Variants in CD34 observed in about 807,000 individuals in gnomAD.
CD34 encodes hematopoietic progenitor cell antigen CD34.
In CD34, 34 loss-of-function variants were observed where a neutral mutation model predicts 40.1. The observed-to-expected ratio is 0.85, with a 90% CI of 0.65 to 1.13. The LOEUF (loss-of-function observed/expected upper bound fraction) is 1.13. Ranked by LOEUF, CD34 falls within the 50% of genes most tolerant of loss-of-function variation. CD34 has a pLI of 0.00. For synonymous variants in CD34, 209 were observed against 190.0 expected, an observed-to-expected ratio of 1.10 and a Z score of -0.82; for missense variants, 426 against 466.9, an observed-to-expected ratio of 0.91 and a Z score of 0.81.
chr1:207,899,293 A>G, intron 2 of CD34, 67 bp from the exon 3 acceptor site: 1 of 1,534,606 alleles, frequency 6.5e-7, no homozygotes, highest in East Asian at 2.3e-5. Context: ...ATCTCAGGTC[A>G]TGATATGGGC....
At chr1:207,901,154 C>T (rs937427820) in intron 1 of CD34, among the ~76,000 whole-genome samples, 3 of 152,094 alleles carry the variant, frequency 2.0e-5, no homozygotes, top group Non-Finnish European at 4.4e-5. Context: ...ACAGATGTTA[C>T]TCACCATTCC....
intron 2 of CD34, 49 bp from the exon 3 acceptor site, chr1:207,899,275 T>A: frequency 6.3e-7 from 1 of 1,597,322 alleles, no homozygotes; most frequent in South Asian, 1.1e-5. Flanking sequence ...TGCTCATAGA[T>A]ACACAAAATC....
intron 1 of CD34, among the ~76,000 whole-genome samples, chr1:207,901,713 GTTGGCCTGAC>G (rs1250127675): frequency 6.6e-6 from 1 of 152,240 alleles, no homozygotes; most frequent in African/African-American, 2.4e-5. Context: ...TTATTAGTTA[GTTGGCCTGAC>G]TTACAACCTT....
chr1:207,902,781 C>A (rs1293220242), intron 1 of CD34, among the ~76,000 whole-genome samples: 1 of 152,190 alleles, frequency 6.6e-6, no homozygotes, highest in Admixed American at 6.5e-5. Context: ...GGAGTGAGAC[C>A]TGCTGCTAGT....
intron 1 of CD34, among the ~76,000 whole-genome samples, chr1:207,910,788 C>G (rs935933387): frequency 2.6e-5 from 4 of 152,240 alleles, no homozygotes; most frequent in Admixed American, 6.5e-5. Flanking sequence ...CTAACGCACA[C>G]TCGCGGGGGT....
chr1:207,902,000 T>C (rs1662280923), intron 1 of CD34, among the ~76,000 whole-genome samples: 1 of 152,176 alleles, frequency 6.6e-6, no homozygotes, highest in South Asian at 2.1e-4. Context: ...AGTTAGACTT[T>C]TGGCTTCACG....
rs1661815072 is a variant in CD34 at position 207,881,707 on chromosome 1, A to G, written c.*6031T>C. On this transcript the variant is annotated 3_prime_UTR_variant, in exon 8 of 8. Coordinates refer to ENST00000310833, the MANE Select transcript of CD34 (RefSeq NM_001025109.2). ...AATCAGCATTCTTCTCTTCAGCCAG[A>G]TATTAGAGAGATTTACCAAAGTCTA... 1 of 151,674 alleles carries G rather than the reference A, an allele frequency of 6.6e-6. No individual in the cohort carries two copies. The highest frequency in any genetic ancestry group is 1.5e-5 in the Non-Finnish European group (1 of 67,918). The allele number at this position is 151,674 out of a possible 1,614,324, so 9.4% of individuals were successfully genotyped here.
intron 2 of CD34, among the ~76,000 whole-genome samples, chr1:207,899,469 A>C (rs1662225175): frequency 6.6e-6 from 1 of 151,838 alleles, no homozygotes; most frequent in African/African-American, 2.4e-5. Flanking sequence ...GAAGCCAAAG[A>C]CCCCCAGTTT....
At chr1:207,888,203 A>G in intron 7 of CD34, 1 of 1,475,500 alleles carries the variant, frequency 6.8e-7, no homozygotes, top group Non-Finnish European at 9.5e-7. Flanking sequence ...GGGCAGTTCC[A>G]AGAAGGGTGG....
rs1301390943 is a variant in CD34, at chr1:207,898,997, A to T, written c.492T>A (p.Ser164=). ...CCTTGATGTCACTTAGGATAGGAGA[A>T]GATGATGTATAGGGTTTAGTGGGAG... ...ATSPTKPYTS[S]SPILSDIKAE... Residue 164 remains serine, a synonymous_variant, in exon 3 of 8, where the codon TCT becomes TCA. Transcript: ENST00000310833. 1 of 1,614,238 alleles carries T rather than the reference A, an allele frequency of 6.2e-7. No homozygotes were observed. Among genetic ancestry groups the T allele is most frequent in the South Asian group, 1.1e-5 (1 of 91,086 alleles).
At chr1:207,909,812 A>C (rs752521158) in intron 1 of CD34, among the ~76,000 whole-genome samples, 44 of 152,200 alleles carry the variant, frequency 2.9e-4, no homozygotes, top group Non-Finnish European at 4.0e-4. Context: ...ACTGCCAAAC[A>C]GGGCAACCCA....
At chr1:207,907,133 A>G (rs1662398963) in intron 1 of CD34, among the ~76,000 whole-genome samples, 1 of 152,158 alleles carries the variant, frequency 6.6e-6, no homozygotes. Context: ...GCCAGTATTT[A>G]CTGAAAGGTT....
intron 1 of CD34, 49 bp from the exon 2 acceptor site, chr1:207,900,052 G>GC: frequency 7.2e-6 from 10 of 1,389,680 alleles, no homozygotes; most frequent in Non-Finnish European, 9.9e-6. Context: ...TATCAGCCTG[G>GC]TGATATCACC....
At chr1:207,900,052 G>A (rs373192212) in intron 1 of CD34, 49 bp from the exon 2 acceptor site, 44 of 1,389,708 alleles carry the variant, frequency 3.2e-5, no homozygotes, top group Non-Finnish European at 4.1e-5. Flanking sequence ...TATCAGCCTG[G>A]TGATATCACC....
intron 3 of CD34, among the ~76,000 whole-genome samples, chr1:207,898,762 A>T (rs984566054): frequency 1.3e-5 from 2 of 152,046 alleles, no homozygotes; most frequent in African/African-American, 4.8e-5. Context: ...GCAATACCCA[A>T]AGCCTGGATG....
chr1:207,899,173 T>C lies in CD34; in HGVS notation c.316A>G (p.Thr106Ala), dbSNP rs762571077. The change falls in exon 3 of 8, where the codon ACA (threonine) becomes GCA (alanine). Residue 106 changes from threonine to alanine, a missense_variant. Thr to Ala is a moderately conservative substitution (Grantham distance 58). Coordinates refer to ENST00000310833, the MANE Select transcript of CD34 (RefSeq NM_001025109.2). ...GTCTGTGACTGGACAGAAGAGTTTG[T>C]GTTTCCATAAACTGAGGTTATCACA... is the stretch of plus-strand genomic sequence containing the variant. ...TSVITSVYGN[T>A]NSSVQSQTSV... The C allele has an allele frequency of 6.2e-7, 1 of 1,614,210 alleles. No individual in the cohort carries two copies. The highest frequency in any genetic ancestry group is 1.7e-5 in the Admixed American group (1 of 60,026).
At chr1:207,908,074 G>A (rs1400366470) in intron 1 of CD34, among the ~76,000 whole-genome samples, 1 of 152,208 alleles carries the variant, frequency 6.6e-6, no homozygotes, top group Non-Finnish European at 1.5e-5. Flanking sequence ...ATCAGGCAAT[G>A]AGACCAACGG....
chr1:207,885,449 A>C lies in CD34; in HGVS notation c.*2289T>G, dbSNP rs1661881979. The C allele has an allele frequency of 6.6e-6, 1 of 152,160 alleles. No individual in the cohort carries two copies. The highest frequency in any genetic ancestry group is 2.4e-5 in the African/African-American group (1 of 41,398). The allele number at this position is 152,160 out of a possible 1,614,324, so 9.4% of individuals were successfully genotyped here. A position where few individuals can be genotyped will look rare whatever the true frequency, so the allele number is the denominator to read the frequency against. ...GCAAACTCAGGGTGAGATGCATTGC[A>C]GGTTGCTAGGCCTGAAGCTGGAGGT... On this transcript the variant is annotated 3_prime_UTR_variant, in exon 8 of 8. Transcript: ENST00000310833.
chr1:207,901,398 A>C (rs1395672439), intron 1 of CD34, among the ~76,000 whole-genome samples: 2 of 152,256 alleles, frequency 1.3e-5, no homozygotes, highest in African/African-American at 4.8e-5. Context: ...CTGCAGCACA[A>C]GGGTGTACAC....
Sources: allele counts gnomAD v4.1 joint callset (sites outside exome capture counted in the v4.1 genomes callset), GRCh38; gene constraint gnomAD v4.1.1; transcripts MANE v1.5; gene names NCBI Gene and HGNC (gene_info 2026-07-23, HGNC 2026-07-21).